TANC2: variants seen among roughly 807,000 people sequenced by gnomAD.
The protein encoded by TANC2 is tetratricopeptide repeat, ankyrin repeat and coiled-coil containing 2, also known as protein TANC2.
TANC2 carries 26 observed loss-of-function variants against 210.5 expected under a neutral mutation model. The observed-to-expected ratio is 0.12, with a 90% CI of 0.09 to 0.17. TANC2 has a LOEUF of 0.17. Among genes scored for constraint, TANC2 ranks in the 10% least tolerant of loss-of-function variants. The pLI, the probability that TANC2 is intolerant of heterozygous loss-of-function variation, is 1.00. For synonymous variants in TANC2, 931 were observed against 967.1 expected, an observed-to-expected ratio of 0.96 and a Z score of 0.69; for missense variants, 2,129 against 2,608.9, an observed-to-expected ratio of 0.82 and a Z score of 4.01.
At chr17:63,355,600 T>C (rs1021923930) in intron 14 of TANC2, among the ~76,000 whole-genome samples, 2 of 152,212 alleles carry the variant, frequency 1.3e-5, no homozygotes, top group African/African-American at 2.4e-5. Flanking sequence ...TGCATAGATA[T>C]TTAGAATGCT....
chr17:63,279,358 A>G (rs2447440), intron 9 of TANC2, among the ~76,000 whole-genome samples: 9,012 of 152,228 alleles, frequency 0.059, 424 homozygotes, highest in African/African-American at 0.13. Flanking sequence ...CCCATGAGGT[A>G]TATGTATCCC....
chr17:63,195,049 T>C (rs2041300246), intron 6 of TANC2, among the ~76,000 whole-genome samples: 1 of 152,188 alleles, frequency 6.6e-6, no homozygotes, highest in Non-Finnish European at 1.5e-5. Context: ...ATACTACTTT[T>C]GTTACAATGA....
intron 1 of TANC2, among the ~76,000 whole-genome samples, chr17:62,980,328 A>C (rs529715153): frequency 5.0e-4 from 76 of 152,336 alleles, no homozygotes; most frequent in African/African-American, 1.8e-3. Context: ...TTCAGGATCC[A>C]TACAGATGCT....
In TANC2 at chr17:63,203,279, T is replaced by A. The variant is rs1434971514; in HGVS notation, c.769+2322T>A. ...AAATATAAATTTACATCAAATTCAT[T>A]TGGCTGTAAAATCTTACCTGAGCTA... is the stretch of plus-strand genomic sequence containing the variant. On this transcript the variant is annotated intron_variant, in intron 7 of 27. Transcript: ENST00000689528. 2.0e-5 allele frequency among the ~76,000 whole-genome samples: 3 copies of A among 152,178 alleles called. No individual in the cohort carries two copies. The East Asian group carries it at 5.8e-4, about 29-fold the overall frequency.
chr17:62,989,723 G>A (rs1160018627), intron 1 of TANC2, among the ~76,000 whole-genome samples: 3 of 150,198 alleles, frequency 2.0e-5, no homozygotes, highest in Non-Finnish European at 4.4e-5. Flanking sequence ...CAGCTATCTA[G>A]AGAAAAGCCA....
At chr17:63,122,082 C>T (rs1212831671) in intron 4 of TANC2, among the ~76,000 whole-genome samples, 2 of 152,098 alleles carry the variant, frequency 1.3e-5, no homozygotes, top group Admixed American at 1.3e-4. Flanking sequence ...GGAAGGCTTA[C>T]TCAGTTCAAA....
chr17:63,052,787 A>G (rs1483748332), intron 2 of TANC2, among the ~76,000 whole-genome samples: 1 of 152,144 alleles, frequency 6.6e-6, no homozygotes, highest in Non-Finnish European at 1.5e-5. Context: ...CAACTACTGA[A>G]CTCTGCCATT....
At chr17:63,384,114 G>A (rs562141035) in intron 15 of TANC2, among the ~76,000 whole-genome samples, 2 of 151,812 alleles carry the variant, frequency 1.3e-5, no homozygotes, top group South Asian at 2.1e-4. Flanking sequence ...TCTTCACCCC[G>A]GCTGGAGTAT....
intron 12 of TANC2, among the ~76,000 whole-genome samples, chr17:63,350,497 G>C (rs1194309012): frequency 6.6e-6 from 1 of 152,176 alleles, no homozygotes; most frequent in Non-Finnish European, 1.5e-5. Flanking sequence ...CGTCAGCATA[G>C]CCCTAAAGTT....
At chr17:63,247,978 C>T (rs561573447) in intron 8 of TANC2, among the ~76,000 whole-genome samples, 49 of 152,024 alleles carry the variant, frequency 3.2e-4, no homozygotes, top group Non-Finnish European at 1.5e-4. Context: ...CAGTTATTTT[C>T]AACACTTAGT....
exon 28 of TANC2, chr17:63,424,879 A>G (rs1390499045): frequency 6.6e-6 from 1 of 152,252 alleles, no homozygotes; most frequent in Admixed American, 6.5e-5. Flanking sequence ...TAACTTGTAT[A>G]TAAGCATCAA....
chr17:63,003,935 A>G (rs996614560), intron 1 of TANC2, among the ~76,000 whole-genome samples: 1 of 152,108 alleles, frequency 6.6e-6, no homozygotes, highest in African/African-American at 2.4e-5. Flanking sequence ...TCTTGAAGAT[A>G]CTTCCCAGAA....
intron 4 of TANC2, among the ~76,000 whole-genome samples, chr17:63,133,032 G>T (rs1327597163): frequency 6.6e-6 from 1 of 152,188 alleles, no homozygotes; most frequent in African/African-American, 2.4e-5. Flanking sequence ...GGAGGGCAGT[G>T]GCGCAATCTC....
At chr17:63,382,402 C>T (rs1028508906) in intron 15 of TANC2, among the ~76,000 whole-genome samples, 2 of 152,174 alleles carry the variant, frequency 1.3e-5, no homozygotes, top group African/African-American at 2.4e-5. Context: ...CCAAGTGTGA[C>T]TTCCTTTAAC....
intron 5 of TANC2, among the ~76,000 whole-genome samples, chr17:63,175,505 C>T (rs768993296): frequency 4.8e-5 from 6 of 125,342 alleles, no homozygotes; most frequent in East Asian, 2.2e-4. Flanking sequence ...CTTACCTGGG[C>T]GACGGAGTGA....
chr17:63,372,191 C>T (rs2047289113), intron 14 of TANC2, among the ~76,000 whole-genome samples: 2 of 152,146 alleles, frequency 1.3e-5, no homozygotes, highest in Admixed American at 1.3e-4. Flanking sequence ...TATATTCTTC[C>T]TGTTAGCGTA....
chr17:63,027,993 CT>C (rs2034625119), intron 2 of TANC2, among the ~76,000 whole-genome samples: 1 of 151,670 alleles, frequency 6.6e-6, no homozygotes, highest in Non-Finnish European at 1.5e-5. Context: ...GGTTAACTTA[CT>C]TTTTTCCAGA....
chr17:63,021,515 C>T lies in TANC2; in HGVS notation c.67+11889C>T, dbSNP rs539216003. Among the ~76,000 whole-genome samples, 130 of 152,326 alleles carry T rather than the reference C, an allele frequency of 8.5e-4. 1 individual carries two copies. The highest frequency in any genetic ancestry group is 3.1e-3 in the African/African-American group (130 of 41,570). The stretch of plus-strand genomic sequence containing the variant: ...TGGTCTCTGCCATGAGTTGAAGCAT[C>T]ACGAGGCCCTCAACAGATGGGCCAC... On this transcript the variant is annotated intron_variant, in intron 2 of 27. Transcript: ENST00000689528.
At chr17:63,169,618 G>A (rs1006558430) in intron 5 of TANC2, among the ~76,000 whole-genome samples, 3 of 151,780 alleles carry the variant, frequency 2.0e-5, no homozygotes, top group Non-Finnish European at 2.9e-5. Flanking sequence ...GATGGAGACC[G>A]TCCTGGCCAA....
Sources: allele counts gnomAD v4.1 joint callset (sites outside exome capture counted in the v4.1 genomes callset), GRCh38; gene constraint gnomAD v4.1.1; transcripts MANE v1.5; gene names NCBI Gene and HGNC (gene_info 2026-07-23, HGNC 2026-07-21).